The following GPBP1 variants were observed in gnomAD, a reference collection of about 807,000 sequenced individuals.
GPBP1 encodes the protein GC-rich promoter binding protein 1, also known as vasculin.
In GPBP1, 13 loss-of-function variants were observed where a neutral mutation model predicts 56.5. The observed-to-expected ratio is 0.23, with a 90% CI of 0.15 to 0.37. GPBP1 has a LOEUF of 0.37. Among genes scored for constraint, GPBP1 ranks in the 10% least tolerant of loss-of-function variants. GPBP1 has a pLI of 1.00. For missense variants in GPBP1, 477 were observed against 572.3 expected, an observed-to-expected ratio of 0.83 and a Z score of 1.70; for synonymous variants, 204 against 188.9, an observed-to-expected ratio of 1.08 and a Z score of -0.66.
intron 2 of GPBP1, among the ~76,000 whole-genome samples, chr5:57,176,932 A>T (rs1185228472): frequency 6.6e-6 from 1 of 152,184 alleles, no homozygotes; most frequent in Non-Finnish European, 1.5e-5. Flanking sequence ...GGTTTAAGGC[A>T]TAGTTGTTCC....
At chr5:57,208,868 T>G (rs934624065) in intron 2 of GPBP1, among the ~76,000 whole-genome samples, 1 of 151,984 alleles carries the variant, frequency 6.6e-6, no homozygotes, top group African/African-American at 2.4e-5. Flanking sequence ...TTGGCCAGCC[T>G]GGTCTCAAAC....
intron 3 of GPBP1, among the ~76,000 whole-genome samples, chr5:57,216,422 TA>T (rs1243418976): frequency 1.3e-5 from 2 of 152,132 alleles, no homozygotes; most frequent in East Asian, 3.9e-4. Context: ...GGAAAACGAT[TA>T]AAAAACAAAA....
At chr5:57,195,263 C>T (rs1754695604) in intron 2 of GPBP1, among the ~76,000 whole-genome samples, 1 of 152,086 alleles carries the variant, frequency 6.6e-6, no homozygotes, top group Non-Finnish European at 1.5e-5. Flanking sequence ...TCAAGTGGTC[C>T]TCCCATGTCA....
intron 2 of GPBP1, among the ~76,000 whole-genome samples, chr5:57,209,356 A>G (rs912148969): frequency 3.3e-5 from 5 of 152,152 alleles, no homozygotes; most frequent in Non-Finnish European, 7.4e-5. Context: ...AGTGCTTTTC[A>G]CAGGTGCCAT....
At chr5:57,254,145 C>CA (rs902773006) in intron 10 of GPBP1, among the ~76,000 whole-genome samples, 1 of 151,656 alleles carries the variant, frequency 6.6e-6, no homozygotes, top group Non-Finnish European at 1.5e-5. Flanking sequence ...AGGCTGGTCT[C>CA]AAACTCTTGG....
At chr5:57,179,209 T>C (rs1273832054) in intron 2 of GPBP1, among the ~76,000 whole-genome samples, 1 of 152,192 alleles carries the variant, frequency 6.6e-6, no homozygotes, top group South Asian at 2.1e-4. Context: ...ATCTTTGATA[T>C]TTTTTTCTTT....
At chr5:57,224,054 C>T (rs1161993898) in intron 3 of GPBP1, among the ~76,000 whole-genome samples, 6 of 151,252 alleles carry the variant, frequency 4.0e-5, no homozygotes, top group East Asian at 2.0e-4. Flanking sequence ...AGGATGGTCT[C>T]GATCTCCTGA....
intron 2 of GPBP1, among the ~76,000 whole-genome samples, chr5:57,182,121 T>C (rs570730781): frequency 6.6e-6 from 1 of 152,330 alleles, no homozygotes; most frequent in African/African-American, 2.4e-5. Flanking sequence ...AGTCTCCCTC[T>C]TGCCCAGGCT....
chr5:57,197,102 C>T (rs992263428), intron 2 of GPBP1, among the ~76,000 whole-genome samples: 1 of 151,636 alleles, frequency 6.6e-6, no homozygotes, highest in Non-Finnish European at 1.5e-5. Flanking sequence ...TTAGTAGAGA[C>T]AGCGTTTCAC....
At chr5:57,205,045 C>G (rs62355725) in intron 2 of GPBP1, among the ~76,000 whole-genome samples, 3,247 of 152,318 alleles carry the variant, frequency 0.021, 62 homozygotes, top group Middle Eastern at 0.048. Flanking sequence ...GCCTCCACCT[C>G]TATCAAGTTC....
intron 2 of GPBP1, among the ~76,000 whole-genome samples, chr5:57,211,677 G>A (rs895003263): frequency 1.7e-4 from 26 of 150,824 alleles, no homozygotes; most frequent in Non-Finnish European, 3.7e-4. Context: ...TCCGCCTCCC[G>A]GGTTCAAGCA....
At chr5:57,254,874 C>A (rs1168693844) in intron 10 of GPBP1, among the ~76,000 whole-genome samples, 1 of 152,058 alleles carries the variant, frequency 6.6e-6, no homozygotes, top group Admixed American at 6.5e-5. Context: ...TTAATGTGAA[C>A]AGATGAATAA....
At chr5:57,229,965 C>G (rs981496687) in intron 3 of GPBP1, among the ~76,000 whole-genome samples, 1 of 150,342 alleles carries the variant, frequency 6.7e-6, no homozygotes, top group Non-Finnish European at 1.5e-5. Flanking sequence ...CCCGTCCCGT[C>G]CCGTCCCTTC....
At chr5:57,195,980 CA>C (rs1181097227) in intron 2 of GPBP1, among the ~76,000 whole-genome samples, 1,786 of 29,820 alleles carry the variant, frequency 0.06, 4 homozygotes, top group East Asian at 0.13. Context: ...AACTCCATCT[CA>C]AAAAAAAAAA....
intron 3 of GPBP1, among the ~76,000 whole-genome samples, chr5:57,216,937 A>G (rs2111778096): frequency 1.3e-5 from 2 of 152,122 alleles, no homozygotes; most frequent in Admixed American, 1.3e-4. Flanking sequence ...GAATTTTGCA[A>G]TATCGTTATA....
intron 9 of GPBP1, 105 bp downstream of exon 9, chr5:57,249,681 A>G (rs764747717): frequency 2.1e-6 from 2 of 946,630 alleles, no homozygotes; most frequent in Non-Finnish European, 3.0e-6. Context: ...CCTTGGAAAG[A>G]AACTTGGAAA....
intron 10 of GPBP1, among the ~76,000 whole-genome samples, chr5:57,252,352 C>G (rs2111949799): frequency 6.6e-6 from 1 of 152,108 alleles, no homozygotes; most frequent in Middle Eastern, 3.4e-3. Flanking sequence ...GGTAGGAGTT[C>G]AGACTCATCC....
chr5:57,189,040 T>C (rs1754410005), intron 2 of GPBP1, among the ~76,000 whole-genome samples: 1 of 152,212 alleles, frequency 6.6e-6, no homozygotes, highest in East Asian at 1.9e-4. Context: ...TTGCCTAGGC[T>C]GGAGTATAGT....
intron 2 of GPBP1, among the ~76,000 whole-genome samples, chr5:57,190,587 TAAAAAAA>T (rs541358340): frequency 3.7e-5 from 5 of 135,112 alleles, no homozygotes; most frequent in African/African-American, 1.1e-4. Context: ...CCATCTCAGT[TAAAAAAA>T]AAAAAAGAAA....
Sources: allele counts gnomAD v4.1 joint callset (sites outside exome capture counted in the v4.1 genomes callset), GRCh38; gene constraint gnomAD v4.1.1; transcripts MANE v1.5; gene names NCBI Gene and HGNC (gene_info 2026-07-23, HGNC 2026-07-21).